Variants in SNTG1 observed in about 807,000 individuals in gnomAD.
SNTG1 encodes syntrophin gamma 1.
SNTG1 carries 39 observed loss-of-function variants against 74.7 expected under a neutral mutation model. The ratio of observed to expected loss-of-function variants is 0.52; its 90% confidence interval spans 0.40 to 0.68. The LOEUF is 0.68. SNTG1 is among the 30% of genes least tolerant of loss of function. The probability of loss-of-function intolerance (pLI) is 0.00; values close to 1 mark genes in which losing one functional copy is unlikely to be tolerated. For missense variants in SNTG1, 685 were observed against 609.5 expected (o/e 1.12, Z -1.30); for synonymous variants, 254 against 217.1 (o/e 1.17, Z -1.49).
At chr8:50,332,468 A>G (rs773638763) in intron 2 of SNTG1, among the ~76,000 whole-genome samples, 2 of 151,912 alleles carry the variant, frequency 1.3e-5, no homozygotes, top group Non-Finnish European at 2.9e-5. Flanking sequence ...AATGTGTTTT[A>G]TAATTAATAC....
rs142310200 is a variant in SNTG1 at position 50,547,354 on chromosome 8, C to T, written c.681-5696C>T. On this transcript the variant is annotated intron_variant, in intron 11 of 18. Coordinates refer to ENST00000642720, the MANE Select transcript of SNTG1 (RefSeq NM_018967.5). ...TCCATAAGGCATGCAAGTATTCCTT[C>T]GTCTGGCATAAACCTCTTCACTTGT... Among the ~76,000 whole-genome samples, 236 of 152,238 alleles carry T rather than the reference C, an allele frequency of 1.6e-3. 1 individual carries two copies. Among genetic ancestry groups the T allele is most frequent in the African/African-American group, 5.4e-3 (223 of 41,550 alleles).
At chr8:50,482,152 T>C (rs2093746203) in intron 8 of SNTG1, among the ~76,000 whole-genome samples, 2 of 152,230 alleles carry the variant, frequency 1.3e-5, no homozygotes, top group Admixed American at 6.5e-5. Context: ...AGCTGTGGAC[T>C]AGCTCTGTCT....
chr8:50,577,884 T>A (rs1444492142), intron 12 of SNTG1, among the ~76,000 whole-genome samples: 1 of 152,150 alleles, frequency 6.6e-6, no homozygotes, highest in African/African-American at 2.4e-5. Flanking sequence ...AAAGAAGAAT[T>A]AAGAAGCCTG....
chr8:50,548,214 A>G (rs1372852843), intron 11 of SNTG1, among the ~76,000 whole-genome samples: 1 of 152,196 alleles, frequency 6.6e-6, no homozygotes, highest in African/African-American at 2.4e-5. Context: ...GATTGGAGTG[A>G]CTGGAGGTCA....
intron 2 of SNTG1, among the ~76,000 whole-genome samples, chr8:50,352,312 T>C (rs1348792483): frequency 1.3e-5 from 2 of 152,158 alleles, no homozygotes; most frequent in Non-Finnish European, 2.9e-5. Flanking sequence ...TTTAAGTGCT[T>C]TCTTTGAACT....
At chr8:50,521,483 G>T (rs1240869986) in intron 9 of SNTG1, among the ~76,000 whole-genome samples, 5 of 152,060 alleles carry the variant, frequency 3.3e-5, no homozygotes, top group African/African-American at 1.2e-4. Context: ...CAGCTTTTTT[G>T]TTAGTCTCTC....
chr8:50,053,623 T>TTGTGTGTGTGTGTG (rs60947505), intron 1 of SNTG1, among the ~76,000 whole-genome samples: 5,022 of 134,344 alleles, frequency 0.037, 197 homozygotes, highest in African/African-American at 0.08. Flanking sequence ...ATATATATAA[T>TTGTGTGTGTGTGTG]TGTGTGTGTG....
chr8:50,356,921 C>T (rs1317413518), intron 2 of SNTG1, among the ~76,000 whole-genome samples: 1 of 152,238 alleles, frequency 6.6e-6, no homozygotes, highest in South Asian at 2.1e-4. Context: ...CCAACAACCT[C>T]AGCGTGACTT....
chr8:50,491,538 G>C (rs1385266116), intron 8 of SNTG1: 1 of 152,220 alleles, frequency 6.6e-6, no homozygotes, highest in Non-Finnish European at 1.5e-5. Context: ...TGACTATCGC[G>C]GAGCTGGCGG....
chr8:50,536,833 A>G (rs751108949), intron 11 of SNTG1, 25 bp downstream of exon 11: 7 of 1,610,030 alleles, frequency 4.3e-6, no homozygotes, highest in Non-Finnish European at 5.9e-6. Context: ...AGGAGTTATG[A>G]CTGTTTTGTT....
chr8:50,779,516 G>C (rs1262854975), intron 18 of SNTG1, among the ~76,000 whole-genome samples: 1 of 152,094 alleles, frequency 6.6e-6, no homozygotes, highest in African/African-American at 2.4e-5. Context: ...TCTTTTATTG[G>C]TGTATAAGAA....
intron 13 of SNTG1, among the ~76,000 whole-genome samples, chr8:50,617,378 TCACA>T (rs3999830): frequency 0.059 from 8,590 of 146,536 alleles, 311 homozygotes; most frequent in African/African-American, 0.095. Context: ...AGTAAGCATT[TCACA>T]CACACACACA....
At chr8:50,035,655 A>G (rs984341944) in intron 1 of SNTG1, among the ~76,000 whole-genome samples, 20 of 152,084 alleles carry the variant, frequency 1.3e-4, no homozygotes, top group African/African-American at 4.8e-4. Flanking sequence ...ATCAGTTGAG[A>G]TTCCAAATTC....
At chr8:50,731,899 A>C (rs2095513840) in intron 17 of SNTG1, among the ~76,000 whole-genome samples, 1 of 152,110 alleles carries the variant, frequency 6.6e-6, no homozygotes, top group South Asian at 2.1e-4. Context: ...AATTGGCCTT[A>C]GTAAATTTCT....
chr8:50,288,661 T>C (rs1212931555), intron 2 of SNTG1, among the ~76,000 whole-genome samples: 1 of 152,118 alleles, frequency 6.6e-6, no homozygotes, highest in Non-Finnish European at 1.5e-5. Context: ...CAGTTTTGTG[T>C]GTAGAGCTAT....
chr8:50,705,521 C>G (rs957386216), intron 16 of SNTG1, among the ~76,000 whole-genome samples: 1 of 151,726 alleles, frequency 6.6e-6, no homozygotes, highest in African/African-American at 2.4e-5. Flanking sequence ...ACTGTGTTTT[C>G]TACTTATTTA....
intron 13 of SNTG1, among the ~76,000 whole-genome samples, chr8:50,637,498 G>T (rs2095046612): frequency 1.3e-5 from 2 of 151,884 alleles, no homozygotes; most frequent in Admixed American, 6.6e-5. Context: ...TGGTTAAATG[G>T]CTTACCCAAG....
In SNTG1 at chr8:50,466,049, G is replaced by A. The variant is rs145493615; in HGVS notation, c.363+15320G>A. ...AGTGGCTATACCATTTTGTGTATAT[G>A]CCTGTAGTAAATGAAAGTTCCTGTT... is the stretch of plus-strand genomic sequence containing the variant. On this transcript the variant is annotated intron_variant, in intron 8 of 18. Transcript: ENST00000642720. 7.2e-5 allele frequency among the ~76,000 whole-genome samples: 11 copies of A among 152,174 alleles called. No homozygotes were observed. In the East Asian group the frequency reaches 2.1e-3, roughly 29 times the overall value.
chr8:50,758,835 C>T (rs909320662), intron 18 of SNTG1, among the ~76,000 whole-genome samples: 4 of 152,074 alleles, frequency 2.6e-5, no homozygotes, highest in African/African-American at 9.7e-5. Context: ...TGGGTATATA[C>T]TCAATAATGG....
Sources: gnomAD v4.1 joint callset for allele counts (sites outside exome capture counted in the v4.1 genomes callset) on GRCh38, gnomAD v4.1.1 for gene constraint, MANE v1.5 for transcripts, NCBI Gene and HGNC (gene_info 2026-07-23, HGNC 2026-07-21) for gene names.